PRELID2: variants seen among roughly 807,000 people sequenced by gnomAD.
PRELID2 encodes PRELI domain containing 2, also known as PRELI domain-containing protein 2.
A neutral mutation model predicts 28.4 loss-of-function variants in PRELID2; 25 were observed. The ratio of observed to expected loss-of-function variants is 0.88; its 90% CI spans 0.64 to 1.23. PRELID2 has a LOEUF of 1.23. Ranked by LOEUF, PRELID2 falls within the 50% of genes most tolerant of loss-of-function variation. The pLI is 0.00. For missense variants in PRELID2, 201 were observed against 214.4 expected (o/e 0.94, Z 0.39); for synonymous variants, 76 against 71.6 (o/e 1.06, Z -0.31).
chr5:145,607,296 T>C (rs1453937799), intron 1 of PRELID2, among the ~76,000 whole-genome samples: 1 of 152,116 alleles, frequency 6.6e-6, no homozygotes, highest in African/African-American at 2.4e-5. Flanking sequence ...AACTTTGAGG[T>C]TGATTTGCAC....
At chr5:145,819,562 G>T in intron 3 of PRELID2, 1 of 582,168 alleles carries the variant, frequency 1.7e-6, no homozygotes, top group East Asian at 3.0e-5. Flanking sequence ...ATTAGAAACT[G>T]AAGTTTTTCT....
chr5:145,399,929 T>C, the PRELID2 span, among the ~76,000 whole-genome samples: 1 of 152,270 alleles, frequency 6.6e-6, no homozygotes, highest in East Asian at 1.9e-4. Flanking sequence ...AGGAAAGACC[T>C]GCTCCCATTA....
the PRELID2 span, among the ~76,000 whole-genome samples, chr5:145,394,895 A>T: frequency 1.3e-5 from 2 of 152,140 alleles, no homozygotes; most frequent in Admixed American, 6.6e-5. Context: ...AAATATCAAG[A>T]TGTAGAGAAC....
chr5:145,808,709 C>A (rs1753716579), intron 4 of PRELID2, among the ~76,000 whole-genome samples: 1 of 151,698 alleles, frequency 6.6e-6, no homozygotes, highest in South Asian at 2.1e-4. Flanking sequence ...CACAGTGACA[C>A]CCTGTCTCTA....
the PRELID2 span, among the ~76,000 whole-genome samples, chr5:145,441,895 C>T: frequency 6.6e-6 from 1 of 152,096 alleles, no homozygotes; most frequent in Non-Finnish European, 1.5e-5. Context: ...ATGGTTGGTT[C>T]TTCATTGCAT....
At chr5:145,495,246 C>T (rs1752300392) in intron 1 of PRELID2, among the ~76,000 whole-genome samples, 1 of 152,168 alleles carries the variant, frequency 6.6e-6, no homozygotes, top group African/African-American at 2.4e-5. Context: ...GCACTCTGCC[C>T]CTGCCTCTTC....
At chr5:145,297,219 G>A in the PRELID2 span, among the ~76,000 whole-genome samples, 1 of 151,916 alleles carries the variant, frequency 6.6e-6, no homozygotes, top group East Asian at 1.9e-4. Context: ...TGTCAATTTT[G>A]GCTTTTGTTG....
intron 4 of PRELID2, among the ~76,000 whole-genome samples, chr5:145,796,771 A>G (rs963223603): frequency 6.6e-6 from 1 of 152,154 alleles, no homozygotes; most frequent in South Asian, 2.1e-4. Flanking sequence ...CATGCTGCAA[A>G]ATCTCTTTTT....
chr5:145,231,987 C>G, the PRELID2 span, among the ~76,000 whole-genome samples: 5 of 152,112 alleles, frequency 3.3e-5, no homozygotes, highest in African/African-American at 1.2e-4. Flanking sequence ...AGAAACCTCT[C>G]TCTCTGTGTC....
intron 1 of PRELID2, among the ~76,000 whole-genome samples, chr5:145,693,302 G>A (rs560305310): frequency 2.1e-4 from 32 of 151,732 alleles, no homozygotes; most frequent in Middle Eastern, 3.4e-3. Flanking sequence ...TGTATGCCAC[G>A]ACACCCAGTT....
chr5:145,257,734 CAAAG>C, the PRELID2 span, among the ~76,000 whole-genome samples: 1 of 152,142 alleles, frequency 6.6e-6, no homozygotes, highest in Admixed American at 6.6e-5. Flanking sequence ...TTATCAGAGA[CAAAG>C]AAAGGGCATT....
intron 1 of PRELID2, among the ~76,000 whole-genome samples, chr5:145,557,503 G>A (rs752612265): frequency 1.4e-4 from 22 of 152,178 alleles, no homozygotes; most frequent in African/African-American, 5.1e-4. Context: ...GAAAATGTCT[G>A]GGTGAGGATA....
chr5:145,712,687 A>G (rs932808472), intron 1 of PRELID2, among the ~76,000 whole-genome samples: 13 of 152,216 alleles, frequency 8.5e-5, no homozygotes, highest in African/African-American at 2.9e-4. Flanking sequence ...CCATCAAGAG[A>G]GAATATAGTA....
At chr5:145,526,050 A>G (rs867749275) in intron 1 of PRELID2, among the ~76,000 whole-genome samples, 4 of 152,230 alleles carry the variant, frequency 2.6e-5, no homozygotes, top group Non-Finnish European at 4.4e-5. Flanking sequence ...TGGTGCAGCT[A>G]GTGCTATGCC....
chr5:145,503,655 C>T (rs757171134), intron 1 of PRELID2, among the ~76,000 whole-genome samples: 6 of 152,124 alleles, frequency 3.9e-5, no homozygotes, highest in Non-Finnish European at 8.8e-5. Flanking sequence ...TTTGCTGGTC[C>T]TGTGCATTGA....
chr5:145,716,747 T>C (rs1432589118), intron 1 of PRELID2, among the ~76,000 whole-genome samples: 1 of 152,208 alleles, frequency 6.6e-6, no homozygotes, highest in African/African-American at 2.4e-5. Context: ...AATATTTTTG[T>C]AATATTAATA....
intron 6 of PRELID2, 128 bp downstream of exon 6, chr5:145,764,803 G>A (rs1477601284): frequency 1.3e-5 from 9 of 668,544 alleles, no homozygotes; most frequent in African/African-American, 5.5e-5. Context: ...CTGTGAAATA[G>A]TATTCTGTGC....
the PRELID2 span, among the ~76,000 whole-genome samples, chr5:145,334,788 T>C: frequency 8.9e-5 from 13 of 146,496 alleles, no homozygotes; most frequent in African/African-American, 2.3e-4. Context: ...TTTTTTTTTT[T>C]CACCACATTG....
At chr5:145,531,925 T>A (rs1752657657) in intron 1 of PRELID2, among the ~76,000 whole-genome samples, 1 of 152,178 alleles carries the variant, frequency 6.6e-6, no homozygotes. Context: ...TTGAGAAAGT[T>A]ATTTCGTGTC....
Sources: gnomAD v4.1 joint callset for allele counts (sites outside exome capture counted in the v4.1 genomes callset) on GRCh38, gnomAD v4.1.1 for gene constraint, MANE v1.5 for transcripts, NCBI Gene and HGNC (gene_info 2026-07-23, HGNC 2026-07-21) for gene names.